The following ULK2 variants were observed in gnomAD, a reference collection of about 807,000 sequenced individuals.
ULK2 encodes unc-51 like autophagy activating kinase 2.
Under a neutral mutation model 127.5 loss-of-function variants are expected in ULK2, and 76 were observed. That is an observed-to-expected ratio of 0.60 (90% CI 0.50 to 0.72). The LOEUF (loss-of-function observed/expected upper bound fraction) is 0.72, where lower values mean the gene tolerates loss of function less well. ULK2 is among the 30% of genes least tolerant of loss of function. The pLI is 0.00. For missense variants in ULK2, 1,144 were observed against 1,295.9 expected, an observed-to-expected ratio of 0.88 and a Z score of 1.80; for synonymous variants, 452 against 461.9, an observed-to-expected ratio of 0.98 and a Z score of 0.28.
At position 19,777,493 on chromosome 17, in the gene ULK2, A is replaced by T. The variant is rs2086833862; in HGVS notation, c.3052+88T>A. On this transcript the variant is annotated intron_variant, in intron 26 of 26. Coordinates refer to ENST00000395544, the MANE Select transcript of ULK2 (RefSeq NM_014683.4). The stretch of plus-strand genomic sequence containing the variant: ...AAAGCCACGATTCAAACCAAGGCAG[A>T]ATTCCAAACTCCAAGCTCTTTGTAC... 3 of 1,404,100 alleles carry T rather than the reference A, an allele frequency of 2.1e-6. No individual in the cohort carries two copies. In the East Asian group the frequency reaches 7.2e-5, roughly 33 times the overall value. The allele number at this position is 1,404,100 out of a possible 1,614,324, so 87.0% of individuals were successfully genotyped here.
rs2152404978 is a variant in ULK2, at chr17:19,867,772, A to C, written c.-355T>G. ...GCTCTGAGGCAGTGAGGGGCCCGGT[A>C]CTCTCCATCCCCAGCTCGTCGGGCC... On this transcript the variant is annotated 5_prime_UTR_variant, in exon 1 of 27. Transcript: ENST00000395544. The C allele has an allele frequency of 6.5e-6, 1 of 154,776 alleles. No homozygotes were observed. The highest frequency in any genetic ancestry group is 1.4e-5 in the Non-Finnish European group (1 of 70,358). 9.6% of individuals were successfully genotyped at this position (154,776 alleles called of 1,614,324 possible).
In ULK2 at chr17:19,783,825, C is replaced by T. The variant is rs767651711; in HGVS notation, c.2332G>A (p.Gly778Ser). The T allele has an allele frequency of 5.0e-6, 8 of 1,601,526 alleles. No individual in the cohort carries two copies. Among genetic ancestry groups the T allele is most frequent in the Middle Eastern group, 1.7e-4 (1 of 5,932 alleles). ...CVGSPPGPGF[G>S]SSPPGAEAAP... The stretch of plus-strand genomic sequence containing the variant: ...GCCTCTGCTCCTGGAGGGGAAGAGC[C>T]GAAGCCTGGGCCAGGCGGGGACCCC... The change falls in exon 22 of 27, where the codon GGC becomes AGC. Residue 778 changes from glycine to serine, a missense_variant. Gly to Ser is a moderately conservative substitution (Grantham distance 56). Around this residue, in one of 2 missense-constraint regions of ULK2, gnomAD observed 913 missense variants for 970.5 expected, o/e 0.94. Transcript: ENST00000395544.
chr17:19,795,380 T>C (rs1375362063), intron 20 of ULK2, among the ~76,000 whole-genome samples: 3 of 117,896 alleles, frequency 2.5e-5, no homozygotes, highest in South Asian at 3.0e-4. Context: ...AAAATCTTCG[T>C]CAGAACTCCT....
intron 1 of ULK2, 78 bp downstream of exon 1, chr17:19,867,250 G>T: frequency 8.3e-7 from 1 of 1,208,962 alleles, no homozygotes; most frequent in Non-Finnish European, 1.1e-6. Flanking sequence ...GTCTCGGCTC[G>T]CGGCTGCGCC....
chr17:19,804,574 T>C, intron 15 of ULK2, 119 bp downstream of exon 15: 1 of 1,069,370 alleles, frequency 9.4e-7, no homozygotes, highest in South Asian at 2.8e-5. Context: ...TTTTGTGCGT[T>C]CCCATTATAC....
At chr17:19,853,193 G>T (rs1386253883) in intron 3 of ULK2, among the ~76,000 whole-genome samples, 1 of 148,446 alleles carries the variant, frequency 6.7e-6, no homozygotes, top group Non-Finnish European at 1.5e-5. Context: ...GAAATTCAGT[G>T]GTGTGATGTT....
rs2152380298 is a variant in ULK2, at chr17:19,776,256, A to G, written c.*93T>C. On this transcript the variant is annotated 3_prime_UTR_variant, in exon 27 of 27. Transcript: ENST00000395544. ...TGGTAGTCACCAGTTAAGAAGCTAC[A>G]GTTTCCTGGGGATGGGGTGACAGAA... 1.7e-6 allele frequency: 2 copies of G among 1,163,088 alleles called. No homozygotes were observed. The highest frequency in any genetic ancestry group is 2.0e-4 in the Middle Eastern group (1 of 5,048). The allele number at this position is 1,163,088 out of a possible 1,614,324, so 72.0% of individuals were successfully genotyped here.
chr17:19,834,349 T>C (rs1249650259), intron 10 of ULK2, among the ~76,000 whole-genome samples: 3 of 152,138 alleles, frequency 2.0e-5, no homozygotes, highest in Non-Finnish European at 2.9e-5. Context: ...GACAGTACAT[T>C]ATATATTTTT....
intron 3 of ULK2, among the ~76,000 whole-genome samples, chr17:19,858,465 A>C (rs1402535717): frequency 6.6e-6 from 1 of 152,154 alleles, no homozygotes; most frequent in Non-Finnish European, 1.5e-5. Context: ...ATCCTGTAAG[A>C]GTTCCACAAT....
At chr17:19,842,638 G>C (rs995552089) in intron 8 of ULK2, among the ~76,000 whole-genome samples, 3 of 152,096 alleles carry the variant, frequency 2.0e-5, no homozygotes, top group Non-Finnish European at 4.4e-5. Flanking sequence ...ATACTCTACA[G>C]GGTCACTTTT....
At chr17:19,788,976 A>G (rs1277744678) in intron 20 of ULK2, among the ~76,000 whole-genome samples, 1 of 152,202 alleles carries the variant, frequency 6.6e-6, no homozygotes, top group African/African-American at 2.4e-5. Context: ...CCTGACTCCT[A>G]GATAGCATCT....
intron 11 of ULK2, 27 bp downstream of exon 11, chr17:19,826,112 G>A: frequency 1.5e-6 from 2 of 1,377,698 alleles, no homozygotes; most frequent in South Asian, 1.9e-5. Context: ...CATTCTTTAA[G>A]TGAAAATACA....
At chr17:19,795,965 G>C in intron 19 of ULK2, 130 bp downstream of exon 19, 1 of 1,277,388 alleles carries the variant, frequency 7.8e-7, no homozygotes, top group South Asian at 1.5e-5. Context: ...AATGTACGTG[G>C]TACATATCAA....
rs572287815 is a variant in ULK2 at position 19,820,755 on chromosome 17, T to A, written c.925-3835A>T. 6.6e-5 allele frequency among the ~76,000 whole-genome samples: 10 copies of A among 152,324 alleles called. No individual in the cohort carries two copies. The East Asian group carries it at 1.9e-3, about 29-fold the overall frequency. On this transcript the variant is annotated intron_variant, in intron 12 of 26. Coordinates refer to ENST00000395544, the MANE Select transcript of ULK2 (RefSeq NM_014683.4). Reference sequence around the variant, plus strand: ...ATCATTCTTTCACTAATTCTTGCAATCTTTCTTCAAAACTCAGCTCAAACA... The same window carrying A: ...ATCATTCTTTCACTAATTCTTGCAAACTTTCTTCAAAACTCAGCTCAAACA...
intron 13 of ULK2, among the ~76,000 whole-genome samples, chr17:19,811,534 A>G (rs2087640425): frequency 6.6e-6 from 1 of 151,880 alleles, no homozygotes; most frequent in South Asian, 2.1e-4. Context: ...CTCTGCCTCT[A>G]AGGTTCAAGC....
intron 8 of ULK2, 120 bp from the exon 9 acceptor site, chr17:19,841,667 G>T: frequency 1.5e-6 from 1 of 679,962 alleles, no homozygotes; most frequent in Non-Finnish European, 2.4e-6. Context: ...TCAAGGAAGG[G>T]ACTGCTGACA....
chr17:19,815,846 AAAT>A (rs1447007953), intron 13 of ULK2, among the ~76,000 whole-genome samples: 2 of 152,082 alleles, frequency 1.3e-5, no homozygotes, highest in Non-Finnish European at 2.9e-5. Context: ...CTAAAACCTA[AAAT>A]AATAACAAAA....
intron 21 of ULK2, among the ~76,000 whole-genome samples, chr17:19,784,638 C>T (rs1286568964): frequency 6.7e-6 from 1 of 149,338 alleles, no homozygotes; most frequent in Non-Finnish European, 1.5e-5. Flanking sequence ...ATTCTTTCAC[C>T]TCAGCCTCAC....
Position 19,867,429 on chromosome 17 carries a change from C to T in ULK2, c.-12G>A. 11 of 1,585,626 alleles carry T rather than the reference C, an allele frequency of 6.9e-6. No individual in the cohort carries two copies. The highest frequency in any genetic ancestry group is 9.4e-6 in the Non-Finnish European group (11 of 1,168,276). Reference sequence around the variant, plus strand: ...CCCACCACCTCCATGGCCGCGCCCCCGGGGCACACAGCGGACGGGCGGGCG... The same window carrying T: ...CCCACCACCTCCATGGCCGCGCCCCTGGGGCACACAGCGGACGGGCGGGCG... On this transcript the variant is annotated 5_prime_UTR_variant, in exon 1 of 27. Transcript: ENST00000395544.
Sources: allele counts gnomAD v4.1 joint callset (sites outside exome capture counted in the v4.1 genomes callset), GRCh38; gene constraint gnomAD v4.1.1; regional missense constraint gnomAD v4.1.1; transcripts MANE v1.5; gene names NCBI Gene and HGNC (gene_info 2026-07-23, HGNC 2026-07-21).